GLRA2: variants seen among roughly 807,000 people sequenced by gnomAD.
GLRA2 encodes the protein glycine receptor alpha 2.
GLRA2 carries 11 observed loss-of-function variants against 31.6 expected under a neutral mutation model. The ratio of observed to expected loss-of-function variants is 0.35; its 90% CI spans 0.22 to 0.58. The LOEUF (loss-of-function observed/expected upper bound fraction) is 0.58, where lower values mean the gene tolerates loss of function less well. Among genes scored for constraint, GLRA2 ranks in the 20% least tolerant of loss-of-function variants. The probability of loss-of-function intolerance (pLI) is 0.84; values close to 1 mark genes in which losing one functional copy is unlikely to be tolerated. For missense variants in GLRA2, 212 were observed against 351.8 expected (o/e 0.60, Z 3.18); for synonymous variants, 132 against 134.0 (o/e 0.99, Z 0.10).
At chrX:14,592,910 CAT>C (rs1050181066) in intron 4 of GLRA2, among the ~76,000 whole-genome samples, 2 of 112,056 alleles carry the variant, frequency 1.8e-5, no homozygotes, top group African/African-American at 6.5e-5. Flanking sequence ...CTAAAGGAAT[CAT>C]GTGGTAGATT....
chrX:14,572,042 C>T (rs775678406), intron 2 of GLRA2, among the ~76,000 whole-genome samples: 19 of 112,061 alleles, frequency 1.7e-4, no homozygotes, highest in Admixed American at 6.6e-4. Flanking sequence ...GAGCAATAAA[C>T]AGATTCGTCT....
chrX:14,468,787 TAA>T, the GLRA2 span, among the ~76,000 whole-genome samples: 1 of 110,828 alleles, frequency 9.0e-6, no homozygotes, highest in South Asian at 3.8e-4. Flanking sequence ...ACCAACAGTG[TAA>T]AAGTGTTCCT....
At chrX:14,683,439 G>A (rs1468460480) in intron 7 of GLRA2, among the ~76,000 whole-genome samples, 1 of 111,321 alleles carries the variant, frequency 9.0e-6, no homozygotes, top group Non-Finnish European at 1.9e-5. Context: ...TGTAGATTCT[G>A]GATATTAGCC....
At chrX:14,706,363 C>T (rs1239557912) in intron 8 of GLRA2, among the ~76,000 whole-genome samples, 1 of 112,081 alleles carries the variant, frequency 8.9e-6, no homozygotes, top group African/African-American at 3.2e-5. Flanking sequence ...AAATTGTATG[C>T]ATGTTGCAAT....
chrX:14,649,243 C>G (rs960063283), intron 7 of GLRA2, among the ~76,000 whole-genome samples: 8 of 110,544 alleles, frequency 7.2e-5, no homozygotes, highest in Non-Finnish European at 1.3e-4. Context: ...AATATACTTA[C>G]CATGTAACAC....
At chrX:14,485,726 C>T in the GLRA2 span, among the ~76,000 whole-genome samples, 1 of 111,866 alleles carries the variant, frequency 8.9e-6, no homozygotes, top group East Asian at 2.8e-4. Flanking sequence ...CATCTGCCAT[C>T]TTCTGTCATC....
At chrX:14,652,057 G>A (rs1471842839) in intron 7 of GLRA2, among the ~76,000 whole-genome samples, 3 of 111,559 alleles carry the variant, frequency 2.7e-5, no homozygotes, top group African/African-American at 9.8e-5. Flanking sequence ...GCCAGGAAGA[G>A]GACCCTCAAC....
chrX:14,563,297 T>TG (rs775360142), intron 2 of GLRA2, among the ~76,000 whole-genome samples: 1 of 112,177 alleles, frequency 8.9e-6, no homozygotes, highest in Non-Finnish European at 1.9e-5. Flanking sequence ...GTTGATTGGT[T>TG]GCTTTGTATT....
the GLRA2 span, among the ~76,000 whole-genome samples, chrX:14,448,909 G>A: frequency 3.6e-5 from 4 of 111,138 alleles, no homozygotes; most frequent in Non-Finnish European, 7.5e-5. Context: ...GAAGCCACCG[G>A]CTCAAGCAGC....
intron 2 of GLRA2, among the ~76,000 whole-genome samples, chrX:14,557,653 A>C (rs760500048): frequency 9.0e-6 from 1 of 111,469 alleles, no homozygotes; most frequent in East Asian, 2.8e-4. Flanking sequence ...GTGGTTATCA[A>C]CTGGGGAGAT....
the GLRA2 span, among the ~76,000 whole-genome samples, chrX:14,513,763 T>A: frequency 9.0e-6 from 1 of 111,175 alleles, no homozygotes; most frequent in Non-Finnish European, 1.9e-5. Flanking sequence ...AATCAAAAAA[T>A]AATAGATGTT....
chrX:14,671,396 G>C (rs749404814), intron 7 of GLRA2, among the ~76,000 whole-genome samples: 3 of 112,130 alleles, frequency 2.7e-5, no homozygotes, highest in Non-Finnish European at 5.6e-5. Flanking sequence ...AGAAAGACAA[G>C]AGAGAATGTG....
At chrX:14,574,672 G>A (rs902391740) in intron 3 of GLRA2, 22 of 550,302 alleles carry the variant, frequency 4.0e-5, no homozygotes, top group African/African-American at 6.9e-5. Context: ...AACTTTGCTC[G>A]CCTCTGAAAA....
intron 2 of GLRA2, among the ~76,000 whole-genome samples, chrX:14,557,823 A>C (rs1390538032): frequency 9.0e-6 from 1 of 111,407 alleles, no homozygotes. Flanking sequence ...AAAGAGAATG[A>C]TTTAGTCCAA....
At chrX:14,538,688 A>G (rs2089359660) in intron 2 of GLRA2, among the ~76,000 whole-genome samples, 1 of 111,954 alleles carries the variant, frequency 8.9e-6, no homozygotes. Context: ...TAAAAAATAA[A>G]CCAAATAAGA....
chrX:14,715,750 T>C (rs1229680999), intron 8 of GLRA2, among the ~76,000 whole-genome samples: 1 of 111,618 alleles, frequency 9.0e-6, no homozygotes, highest in Admixed American at 9.5e-5. Flanking sequence ...TGTAATCCTA[T>C]GAGAGAAGTA....
intron 8 of GLRA2, among the ~76,000 whole-genome samples, chrX:14,710,189 T>G (rs1307584252): frequency 1.8e-5 from 2 of 111,906 alleles, no homozygotes; most frequent in African/African-American, 6.5e-5. Context: ...AGTGATTGAG[T>G]TCTCAGTTCT....
intron 8 of GLRA2, among the ~76,000 whole-genome samples, chrX:14,707,775 C>T (rs367718910): frequency 3.6e-5 from 3 of 83,691 alleles, no homozygotes; most frequent in Non-Finnish European, 6.8e-5. Flanking sequence ...TGTGTGTGTG[C>T]ACGCGCGCGT....
the GLRA2 span, among the ~76,000 whole-genome samples, chrX:14,483,220 CTCTT>C: frequency 8.9e-6 from 1 of 111,825 alleles, no homozygotes; most frequent in African/African-American, 3.2e-5. Flanking sequence ...AGAAAGCTCT[CTCTT>C]GTCACGCACC....
Sources: allele counts gnomAD v4.1 joint callset (sites outside exome capture counted in the v4.1 genomes callset), GRCh38; gene constraint gnomAD v4.1.1; transcripts MANE v1.5; gene names NCBI Gene and HGNC (gene_info 2026-07-23, HGNC 2026-07-21).